ITCH: variants seen among roughly 807,000 people sequenced by gnomAD.
ITCH encodes itchy E3 ubiquitin protein ligase, also known as E3 ubiquitin-protein ligase Itchy homolog.
A neutral mutation model predicts 126.8 loss-of-function variants in ITCH; 28 were observed. That is an observed-to-expected ratio of 0.22 (90% confidence interval 0.16 to 0.30). The LOEUF (loss-of-function observed/expected upper bound fraction) is 0.30. Ranked by LOEUF, ITCH falls within the 10% of genes least tolerant of loss-of-function variation. The pLI is 1.00. For missense variants in ITCH, 631 were observed against 1,032.4 expected (o/e 0.61, Z 5.33); for synonymous variants, 342 against 340.0 (o/e 1.01, Z -0.06).
intron 16 of ITCH, among the ~76,000 whole-genome samples, chr20:34,474,984 C>A (rs1249465957): frequency 6.7e-6 from 1 of 148,802 alleles, no homozygotes; most frequent in Non-Finnish European, 1.5e-5. Flanking sequence ...GACGGGGTCG[C>A]GGCTGGGCAG....
In ITCH at chr20:34,412,554, G is replaced by C; in HGVS notation, c.252G>C (p.Trp84Cys). The change falls in exon 5 of 25, where the codon TGG becomes TGC. Residue 84 changes from tryptophan (W) to cysteine (C), a missense_variant. Physicochemically the swap from Trp to Cys is radical, Grantham distance 215. Around this residue, in one of 4 missense-constraint regions of ITCH, gnomAD observed 220 missense variants for 265.7 expected, o/e 0.83. Coordinates refer to ENST00000374864, the MANE Select transcript of ITCH (RefSeq NM_031483.7). ...TPVSKLHFRV[W>C]SHQTLKSDVL... is the part of the protein sequence containing the mutation. ...TGAGTAAATTACATTTTCGTGTGTG[G>C]AGTCACCAGACACTGAAATCTGATG... is the stretch of plus-strand genomic sequence containing the variant. 6.2e-7 allele frequency: 1 copy of C among 1,603,884 alleles called. No individual in the cohort carries two copies. The highest frequency in any genetic ancestry group is 8.5e-7 in the Non-Finnish European group (1 of 1,170,976).
At chr20:34,475,255 C>G (rs1426197973) in intron 16 of ITCH, among the ~76,000 whole-genome samples, 3 of 152,174 alleles carry the variant, frequency 2.0e-5, no homozygotes, top group African/African-American at 7.2e-5. Context: ...GACGTGGTGG[C>G]GGCCGGGCAG....
intron 6 of ITCH, among the ~76,000 whole-genome samples, chr20:34,423,646 C>T (rs918424486): frequency 4.6e-5 from 7 of 152,218 alleles, no homozygotes; most frequent in South Asian, 2.1e-4. Flanking sequence ...TCTTGTTGCC[C>T]AGACTGGAGT....
intron 20 of ITCH, among the ~76,000 whole-genome samples, chr20:34,485,952 A>G (rs1007573346): frequency 6.6e-6 from 1 of 152,122 alleles, no homozygotes; most frequent in South Asian, 2.1e-4. Flanking sequence ...TCTGTTTTCT[A>G]ATATAAGGAT....
At chr20:34,459,616 C>T (rs138605698) in intron 13 of ITCH, among the ~76,000 whole-genome samples, 123 of 152,266 alleles carry the variant, frequency 8.1e-4, no homozygotes, top group African/African-American at 2.6e-3. Context: ...AATTTGAGAA[C>T]AGATATTCCA....
At chr20:34,437,517 G>A (rs935288121) in intron 7 of ITCH, among the ~76,000 whole-genome samples, 4 of 152,200 alleles carry the variant, frequency 2.6e-5, no homozygotes, top group African/African-American at 7.2e-5. Context: ...ATGTTGCCCA[G>A]GCTGATCTGT....
At chr20:34,375,376 GTA>G (rs2037798211) in intron 2 of ITCH, among the ~76,000 whole-genome samples, 1 of 145,782 alleles carries the variant, frequency 6.9e-6, no homozygotes, top group Non-Finnish European at 1.5e-5. Context: ...GTAAAAGTAA[GTA>G]TGTGAGGTTA....
chr20:34,503,313 C>G, intron 23 of ITCH, among the ~76,000 whole-genome samples: 1 of 152,020 alleles, frequency 6.6e-6, no homozygotes, highest in East Asian at 1.9e-4. Flanking sequence ...ATTAAAATAT[C>G]TAGTAGCATT....
Position 34,507,688 on chromosome 20 carries a change from C to G in ITCH, c.2490-7C>G, listed in dbSNP as rs770128013. The G allele has an allele frequency of 6.2e-7, 1 of 1,608,280 alleles. No individual in the cohort carries two copies. The highest frequency in any genetic ancestry group is 1.1e-5 in the South Asian group (1 of 90,950). ...CCTTTTCTCAAACTAACAATTCTTG[C>G]TTTTAGTTTTAATCGCCTGGACCTG... On this transcript the variant is annotated splice_region_variant and splice_polypyrimidine_tract_variant and intron_variant, in intron 24 of 24. Coordinates refer to ENST00000374864, the MANE Select transcript of ITCH (RefSeq NM_031483.7).
In ITCH at chr20:34,408,790, A is replaced by G. The variant is rs1413561305; in HGVS notation, c.210A>G (p.Thr70=). ...GTCCCAAGTGGAAGCAACCCCTTAC[A>G]GTGTAAGCTTGGAAGTATTTTTCTG... ...TNSPKWKQPL[T]VIVTPVSKLH... Residue 70 remains threonine (T), a splice_region_variant and synonymous_variant, in exon 4 of 25, where the codon ACA becomes ACG. Coordinates refer to ENST00000374864, the MANE Select transcript of ITCH (RefSeq NM_031483.7). 4 of 1,613,914 alleles carry G rather than the reference A, an allele frequency of 2.5e-6. No homozygotes were observed. The highest frequency in any genetic ancestry group is 3.4e-6 in the Non-Finnish European group (4 of 1,179,884).
intron 12 of ITCH, among the ~76,000 whole-genome samples, chr20:34,452,826 C>T (rs775623643): frequency 5.3e-5 from 8 of 152,130 alleles, no homozygotes; most frequent in Non-Finnish European, 7.3e-5. Flanking sequence ...TTTTGTGCCA[C>T]GATGCCTAGC....
chr20:34,477,732 T>C (rs2146456887), intron 16 of ITCH, 40 bp from the exon 17 acceptor site: 1 of 1,593,640 alleles, frequency 6.3e-7, no homozygotes, highest in Non-Finnish European at 8.6e-7. Context: ...AGTGTTTCAA[T>C]AGCTTTTTTC....
chr20:34,469,251 T>TCA (rs1987394339), intron 14 of ITCH, among the ~76,000 whole-genome samples: 1 of 141,612 alleles, frequency 7.1e-6, no homozygotes, highest in Non-Finnish European at 1.5e-5. Context: ...ACACACACAC[T>TCA]CACACACTTT....
At chr20:34,463,836 T>C (rs1986770288) in intron 14 of ITCH, among the ~76,000 whole-genome samples, 1 of 152,068 alleles carries the variant, frequency 6.6e-6, no homozygotes, top group South Asian at 2.1e-4. Flanking sequence ...GTGTTCTCTA[T>C]ATATTCTGGG....
intron 23 of ITCH, among the ~76,000 whole-genome samples, chr20:34,497,876 C>T (rs1989991115): frequency 6.6e-6 from 1 of 152,212 alleles, no homozygotes; most frequent in African/African-American, 2.4e-5. Flanking sequence ...CTACACCCAG[C>T]CGTCATTGGT....
chr20:34,408,499 A>G, intron 3 of ITCH, 152 bp from the exon 4 acceptor site: 1 of 693,658 alleles, frequency 1.4e-6, no homozygotes, highest in Non-Finnish European at 2.5e-6. Context: ...AGGAAGTACA[A>G]AGGTTATGAG....
Position 34,504,397 on chromosome 20 carries a change from A to G in ITCH, c.2483A>G (p.His828Arg), listed in dbSNP as rs1569013598. 1 of 1,605,730 alleles carries G rather than the reference A, an allele frequency of 6.2e-7. No individual in the cohort carries two copies. The highest frequency in any genetic ancestry group is 1.3e-5 in the African/African-American group (1 of 74,902). ...VGKENWLPRS[H>R]TCFNRLDLPP... The stretch of plus-strand genomic sequence containing the variant: ...AAAGAAAATTGGCTACCCAGAAGTC[A>G]TACCTGGTAAGTACAATCAGAATGG... The change falls in exon 24 of 25, where the codon CAT becomes CGT. Residue 828 changes from histidine (H) to arginine (R), a missense_variant. By Grantham distance (29) the His-to-Arg change is conservative. Around this residue, in one of 4 missense-constraint regions of ITCH, gnomAD observed 390 missense variants for 731.6 expected, o/e 0.53. Transcript: ENST00000374864.
chr20:34,457,273 A>G (rs1432886165), intron 12 of ITCH, 117 bp from the exon 13 acceptor site: 5 of 740,936 alleles, frequency 6.7e-6, no homozygotes, highest in South Asian at 3.1e-5. Flanking sequence ...TTTAAAAACT[A>G]TAAAATAAAC....
chr20:34,408,503 T>C, intron 3 of ITCH, 148 bp from the exon 4 acceptor site: 1 of 720,826 alleles, frequency 1.4e-6, no homozygotes, highest in Non-Finnish European at 2.4e-6. Flanking sequence ...AGTACAAAGG[T>C]TATGAGTGAA....
Sources: gnomAD v4.1 joint callset for allele counts (sites outside exome capture counted in the v4.1 genomes callset) on GRCh38, gnomAD v4.1.1 for gene constraint, gnomAD v4.1.1 regional missense constraint, MANE v1.5 for transcripts, NCBI Gene and HGNC (gene_info 2026-07-23, HGNC 2026-07-21) for gene names.